Variants in RPTOR observed in about 807,000 individuals in gnomAD.
RPTOR encodes regulatory-associated protein of mTOR.
In RPTOR, 21 loss-of-function variants were observed where a neutral mutation model predicts 169.9. That is an observed-to-expected ratio of 0.12 (90% CI 0.09 to 0.18). The LOEUF is 0.18. Ranked by LOEUF, RPTOR falls within the 10% of genes least tolerant of loss-of-function variation. The pLI is 1.00. For missense variants in RPTOR, 1,133 were observed against 1,855.9 expected (o/e 0.61, Z 7.16); for synonymous variants, 732 against 753.2 (o/e 0.97, Z 0.46).
intron 25 of RPTOR, among the ~76,000 whole-genome samples, chr17:80,942,950 T>C (rs2069051804): frequency 6.6e-6 from 1 of 152,254 alleles, no homozygotes; most frequent in Non-Finnish European, 1.5e-5. Flanking sequence ...GAGGCACCAC[T>C]AGGGTAACAC....
chr17:80,783,860 T>C (rs1005283185), intron 6 of RPTOR, among the ~76,000 whole-genome samples: 1 of 152,284 alleles, frequency 6.6e-6, no homozygotes, highest in Non-Finnish European at 1.5e-5. Flanking sequence ...TTGTCCTGCT[T>C]ACCGGCCTAG....
chr17:80,548,359 C>G (rs1208077987), intron 1 of RPTOR, among the ~76,000 whole-genome samples: 15 of 145,418 alleles, frequency 1.0e-4, no homozygotes, highest in African/African-American at 3.6e-4. Flanking sequence ...CCAACACGCT[C>G]AGCCTGGGGT....
In RPTOR at chr17:80,730,077, G is replaced by T. The variant is rs548463630; in HGVS notation, c.508-483G>T. The stretch of plus-strand genomic sequence containing the variant: ...GTGTGGGCGCTACTGGAGTAAAGCA[G>T]CATCAGAGGAGATGTGGAGAAATTC... On this transcript the variant is annotated intron_variant, in intron 4 of 33. Coordinates refer to ENST00000306801, the MANE Select transcript of RPTOR (RefSeq NM_020761.3). This position sits in a 1 kb window ranked among gnomAD's most constrained non-coding sequence, Gnocchi z 4.2. Among the ~76,000 whole-genome samples the T allele has an allele frequency of 3.3e-5, 5 of 152,334 alleles. No individual in the cohort carries two copies. The highest frequency in any genetic ancestry group is 1.3e-4 in the Admixed American group (2 of 15,298).
At chr17:80,865,165 A>G (rs1311095317) in intron 13 of RPTOR, among the ~76,000 whole-genome samples, 1 of 152,260 alleles carries the variant, frequency 6.6e-6, no homozygotes, top group Non-Finnish European at 1.5e-5. Context: ...CTGCCACTCA[A>G]ATTTTAAAAA....
chr17:80,869,502 G>C (rs147376628), intron 13 of RPTOR, among the ~76,000 whole-genome samples: 1 of 152,088 alleles, frequency 6.6e-6, no homozygotes, highest in Non-Finnish European at 1.5e-5. Context: ...AAATGTGGGG[G>C]GATTTATTCT....
At chr17:80,893,674 A>G (rs2143877604) in intron 19 of RPTOR, 33 bp from the exon 20 acceptor site, 3 of 1,591,740 alleles carry the variant, frequency 1.9e-6, no homozygotes, top group Non-Finnish European at 2.6e-6. Flanking sequence ...GGGTCCCGGG[A>G]GCACCCCACT....
chr17:80,672,364 T>G (rs1164974673), intron 3 of RPTOR, among the ~76,000 whole-genome samples: 1 of 114,942 alleles, frequency 8.7e-6, no homozygotes, highest in African/African-American at 4.1e-5. Flanking sequence ...TGTGCAAAGG[T>G]TCTTTTTTTT....
chr17:80,630,472 A>G (rs926420462), intron 2 of RPTOR, among the ~76,000 whole-genome samples: 2 of 152,176 alleles, frequency 1.3e-5, no homozygotes, highest in African/African-American at 2.4e-5. Context: ...ATAAGTATGT[A>G]TGTATGTATG....
chr17:80,849,264 C>T (rs574480980), intron 11 of RPTOR, among the ~76,000 whole-genome samples: 7 of 152,190 alleles, frequency 4.6e-5, no homozygotes, highest in Non-Finnish European at 7.3e-5. Flanking sequence ...TTTTCTCACT[C>T]GCTTCCGGTT....
At chr17:80,962,383 C>T in intron 31 of RPTOR, 78 bp from the exon 32 acceptor site, 3 of 1,166,230 alleles carry the variant, frequency 2.6e-6, no homozygotes, top group Non-Finnish European at 3.8e-6. Context: ...ACCCCACACA[C>T]CTGGTTCCAC....
intron 3 of RPTOR, among the ~76,000 whole-genome samples, chr17:80,661,010 C>A (rs12939076): frequency 0.17 from 26,241 of 152,154 alleles, 2,705 homozygotes; most frequent in East Asian, 0.24. Context: ...GCGTTTCCTT[C>A]TCTTGGGCCT....
At chr17:80,822,176 C>T in intron 7 of RPTOR, 25 bp from the exon 8 acceptor site, 1 of 1,604,866 alleles carries the variant, frequency 6.2e-7, no homozygotes, top group Non-Finnish European at 8.5e-7. Flanking sequence ...TGGCATCACT[C>T]ATGAGAACGC....
chr17:80,738,622 C>T (rs1425504818), intron 5 of RPTOR, among the ~76,000 whole-genome samples: 2 of 152,120 alleles, frequency 1.3e-5, no homozygotes, highest in African/African-American at 4.8e-5. Context: ...CTTGGCTGAC[C>T]ACATACGGCA....
intron 6 of RPTOR, among the ~76,000 whole-genome samples, chr17:80,766,148 C>T (rs1043778629): frequency 3.9e-5 from 6 of 152,088 alleles, no homozygotes; most frequent in African/African-American, 9.7e-5. Flanking sequence ...CTCAACTTCT[C>T]GGGCTCAAGC....
At chr17:80,637,644 G>T (rs2065518609) in intron 2 of RPTOR, among the ~76,000 whole-genome samples, 1 of 152,216 alleles carries the variant, frequency 6.6e-6, no homozygotes, top group African/African-American at 2.4e-5. Context: ...GCAGAGTGCG[G>T]ATGAGCTGCA....
chr17:80,703,876 CAAAATGGGATGTGGCCTGCTGCTTAGACT>C (rs2066122029), intron 3 of RPTOR, among the ~76,000 whole-genome samples: 1 of 152,166 alleles, frequency 6.6e-6, no homozygotes, highest in African/African-American at 2.4e-5. Context: ...CGGCCCAGAC[CAAAATGGGATGTGGCCTGCTGCTTAGACT>C]GGCCATTATC....
At chr17:80,896,379 G>GGCCGCGCCGACGCCCCACA (rs1413818828) in intron 20 of RPTOR, among the ~76,000 whole-genome samples, 1 of 99,528 alleles carries the variant, frequency 1.0e-5, no homozygotes, top group African/African-American at 3.7e-5. Context: ...GACACCCCAC[G>GGCCGCGCCGACGCCCCACA]CGGCCTCGCT....
At chr17:80,675,340 A>G (rs2065853916) in intron 3 of RPTOR, among the ~76,000 whole-genome samples, 1 of 152,208 alleles carries the variant, frequency 6.6e-6, no homozygotes. Context: ...TTTTAGGACT[A>G]TGAAGTTTGC....
At chr17:80,706,564 G>A (rs1179335533) in intron 3 of RPTOR, among the ~76,000 whole-genome samples, 1 of 152,210 alleles carries the variant, frequency 6.6e-6, no homozygotes, top group African/African-American at 2.4e-5. Flanking sequence ...GTGTACTTGG[G>A]TCTGATTCTG....
Sources: gnomAD v4.1 joint callset for allele counts (sites outside exome capture counted in the v4.1 genomes callset) on GRCh38, gnomAD v4.1.1 for gene constraint, Gnocchi (gnomAD v3.1) non-coding constraint, MANE v1.5 for transcripts, NCBI Gene and HGNC (gene_info 2026-07-23, HGNC 2026-07-21) for gene names.